The following UTRN variants were observed in gnomAD, a reference collection of about 807,000 sequenced individuals.
UTRN encodes dystrophin-related protein 1.
Under a neutral mutation model 463.9 loss-of-function variants are expected in UTRN, and 283 were observed. That is an observed-to-expected ratio of 0.61 (90% CI 0.55 to 0.67). The LOEUF (loss-of-function observed/expected upper bound fraction) is 0.67, where lower values mean the gene tolerates loss of function less well. Among genes scored for constraint, UTRN ranks in the 30% least tolerant of loss-of-function variants. UTRN has a pLI of 0.00. For synonymous variants in UTRN, 1,442 were observed against 1,431.5 expected, an observed-to-expected ratio of 1.01 and a Z score of -0.17; for missense variants, 3,922 against 4,084.3, an observed-to-expected ratio of 0.96 and a Z score of 1.08.
intron 65 of UTRN, among the ~76,000 whole-genome samples, chr6:144,803,352 T>C (rs1234022056): frequency 1.3e-5 from 2 of 152,052 alleles, no homozygotes; most frequent in Admixed American, 1.3e-4. Context: ...GTTTTGATTT[T>C]AAACTTTTTT....
intron 51 of UTRN, among the ~76,000 whole-genome samples, chr6:144,618,872 C>T (rs1775054758): frequency 6.6e-6 from 1 of 152,054 alleles, no homozygotes; most frequent in Non-Finnish European, 1.5e-5. Flanking sequence ...TATTTACATG[C>T]AAATATTTAA....
intron 34 of UTRN, among the ~76,000 whole-genome samples, chr6:144,499,646 A>G (rs1562491265): frequency 6.6e-6 from 1 of 152,186 alleles, no homozygotes; most frequent in African/African-American, 2.4e-5. Context: ...TAAGGGGTAC[A>G]CATATAGGTT....
intron 3 of UTRN, among the ~76,000 whole-genome samples, chr6:144,418,992 G>A (rs1784600018): frequency 6.6e-6 from 1 of 151,802 alleles, no homozygotes; most frequent in African/African-American, 2.4e-5. Context: ...AACCCCATTT[G>A]TTTCTCCCAT....
At chr6:144,602,015 TA>T (rs1273530636) in intron 51 of UTRN, among the ~76,000 whole-genome samples, 1 of 152,214 alleles carries the variant, frequency 6.6e-6, no homozygotes, top group African/African-American at 2.4e-5. Flanking sequence ...AGTCCTTCCT[TA>T]ACATTGTTGA....
chr6:144,711,457 T>C (rs983698227), intron 53 of UTRN, among the ~76,000 whole-genome samples: 1 of 152,224 alleles, frequency 6.6e-6, no homozygotes, highest in African/African-American at 2.4e-5. Context: ...TGAGGTCACT[T>C]ATATGCAACT....
intron 2 of UTRN, among the ~76,000 whole-genome samples, chr6:144,345,390 G>A (rs193169259): frequency 2.6e-5 from 4 of 152,142 alleles, no homozygotes; most frequent in East Asian, 1.9e-4. Context: ...AAAACTCCAC[G>A]CGGGCCAGGC....
chr6:144,327,054 C>T (rs543421355), intron 2 of UTRN, among the ~76,000 whole-genome samples: 5 of 152,138 alleles, frequency 3.3e-5, no homozygotes, highest in Admixed American at 2.0e-4. Context: ...TTTTAGGCTT[C>T]TGTCTGCTGT....
Position 144,835,914 on chromosome 6 carries a change from T to A in UTRN, c.9800T>A (p.Ile3267Asn). 2 of 1,614,086 alleles carry A rather than the reference T, an allele frequency of 1.2e-6. No homozygotes were observed. Among genetic ancestry groups the A allele is most frequent in the Non-Finnish European group, 1.7e-6 (2 of 1,179,980 alleles). ...REERGELERI[I>N]ADLEEEQRNL... ...GAACGTGGAGAACTGGAGAGGATCA[T>A]TGCTGACCTGGAGGAAGAACAAAGG... is the stretch of plus-strand genomic sequence containing the variant. Residue 3267 changes from isoleucine to asparagine, a missense_variant, in exon 70 of 75, where the codon ATT becomes AAT. Transcript: ENST00000367545.
At chr6:144,746,471 C>G (rs558610624) in intron 54 of UTRN, among the ~76,000 whole-genome samples, 1 of 151,942 alleles carries the variant, frequency 6.6e-6, no homozygotes, top group Non-Finnish European at 1.5e-5. Flanking sequence ...CTCTAATTCA[C>G]TTATTTTTTT....
chr6:144,657,708 C>G (rs185541317), intron 51 of UTRN, among the ~76,000 whole-genome samples: 14 of 152,228 alleles, frequency 9.2e-5, no homozygotes, highest in Admixed American at 6.5e-4. Context: ...CTATGGTATT[C>G]CCTGTTGTTC....
chr6:144,352,591 T>C (rs939816371), intron 2 of UTRN, among the ~76,000 whole-genome samples: 1 of 152,236 alleles, frequency 6.6e-6, no homozygotes, highest in Non-Finnish European at 1.5e-5. Context: ...TGTTTTATGA[T>C]GAAAATTTAT....
At chr6:144,421,701 A>G (rs976939661) in intron 3 of UTRN, among the ~76,000 whole-genome samples, 177 bp from the exon 4 acceptor site, 2 of 149,894 alleles carry the variant, frequency 1.3e-5, no homozygotes, top group African/African-American at 5.1e-5. Context: ...AAAAAAATTA[A>G]TTAATTAAAA....
In UTRN at chr6:144,539,345, AG is replaced by A. The variant is rs773896898; in HGVS notation, c.6422del (p.Arg2141LysfsTer12). 6.2e-7 allele frequency: 1 copy of A among 1,613,372 alleles called. No homozygotes were observed. The highest frequency in any genetic ancestry group is 1.1e-5 in the South Asian group (1 of 90,930). On this transcript the variant is annotated frameshift_variant, in exon 45 of 75. Transcript: ENST00000367545. LOFTEE classifies it high-confidence loss of function. ...TGCTGAAAAACTCAAATGGCTGAATAGAACTGAATTGGAGATGCTTTCAGAT... is the reference window on the plus strand; with the variant it reads ...TGCTGAAAAACTCAAATGGCTGAATAAACTGAATTGGAGATGCTTTCAGAT... ...VHAEKLKWLNRTELEMLSDKS... is the reference protein window; with the variant it reads ...VHAEKLKWLNXTELEMLSDKS...
chr6:144,741,798 A>G (rs1483771738), intron 54 of UTRN, among the ~76,000 whole-genome samples: 1 of 152,080 alleles, frequency 6.6e-6, no homozygotes, highest in Non-Finnish European at 1.5e-5. Context: ...GCGTCTGTCT[A>G]GTGGTTGGCC....
At chr6:144,636,902 T>G (rs1313521611) in intron 51 of UTRN, among the ~76,000 whole-genome samples, 2 of 152,066 alleles carry the variant, frequency 1.3e-5, no homozygotes, top group Admixed American at 1.3e-4. Flanking sequence ...AGCCTTGAGG[T>G]TTTTTTTATT....
chr6:144,362,878 G>A (rs1344364201), intron 2 of UTRN, among the ~76,000 whole-genome samples: 1 of 152,160 alleles, frequency 6.6e-6, no homozygotes, highest in African/African-American at 2.4e-5. Context: ...GACCTACTGT[G>A]TGCCAGGTCA....
chr6:144,416,718 CTTTT>C (rs1394793386), intron 3 of UTRN, among the ~76,000 whole-genome samples: 5 of 152,260 alleles, frequency 3.3e-5, no homozygotes, highest in Admixed American at 2.6e-4. Context: ...TGGTTGTTTA[CTTTT>C]TTTAAAGTTA....
At chr6:144,846,687 A>G in intron 73 of UTRN, 118 bp from the exon 74 acceptor site, 1 of 1,362,170 alleles carries the variant, frequency 7.3e-7, no homozygotes, top group Non-Finnish European at 1.0e-6. Flanking sequence ...CCATTTAACA[A>G]CTGGGCTATT....
Position 144,542,157 on chromosome 6 carries a change from A to G in UTRN, c.6520-638A>G, listed in dbSNP as rs1011920220. 2.0e-5 allele frequency among the ~76,000 whole-genome samples: 3 copies of G among 152,200 alleles called. No individual in the cohort carries two copies. In the South Asian group the frequency reaches 6.2e-4, roughly 31 times the overall value. On this transcript the variant is annotated intron_variant, in intron 45 of 74. Transcript: ENST00000367545. ...TGCTATAGCTTCACTACGGAGATAG[A>G]TGAAGTGATCCTAAGAATTGATATA...
Sources: allele counts gnomAD v4.1 joint callset (sites outside exome capture counted in the v4.1 genomes callset), GRCh38; gene constraint gnomAD v4.1.1; transcripts MANE v1.5; gene names NCBI Gene and HGNC (gene_info 2026-07-23, HGNC 2026-07-21).